BRINP3: variants seen among roughly 807,000 people sequenced by gnomAD.
BRINP3 encodes the protein BMP/retinoic acid-inducible neural-specific protein 3.
A neutral mutation model predicts 71.0 loss-of-function variants in BRINP3; 19 were observed. The observed-to-expected ratio is 0.27, with a 90% CI of 0.19 to 0.39. The LOEUF is 0.39. BRINP3 is among the 10% of genes least tolerant of loss of function. BRINP3 has a pLI of 1.00. For synonymous variants in BRINP3, 380 were observed against 337.7 expected, an observed-to-expected ratio of 1.13 and a Z score of -1.37; for missense variants, 959 against 940.8, an observed-to-expected ratio of 1.02 and a Z score of -0.25.
chr1:190,318,125 G>A (rs143804653), intron 2 of BRINP3, among the ~76,000 whole-genome samples: 95 of 152,042 alleles, frequency 6.2e-4, no homozygotes, highest in African/African-American at 1.9e-3. Flanking sequence ...CAAATTCACT[G>A]TTTTAAGTTT....
At chr1:190,414,519 T>C (rs1306655099) in intron 2 of BRINP3, among the ~76,000 whole-genome samples, 2 of 152,186 alleles carry the variant, frequency 1.3e-5, no homozygotes, top group Non-Finnish European at 2.9e-5. Flanking sequence ...TCTGTCTTTG[T>C]ATTCTGCCAT....
chr1:190,301,499 T>C (rs905033262), intron 2 of BRINP3, among the ~76,000 whole-genome samples: 5 of 151,574 alleles, frequency 3.3e-5, no homozygotes, highest in Non-Finnish European at 7.4e-5. Context: ...TCTTTCTTAA[T>C]TCCTGTTATT....
Position 190,160,901 on chromosome 1 carries a change from T to C in BRINP3, c.962-11A>G. On this transcript the variant is annotated splice_polypyrimidine_tract_variant and intron_variant, in intron 6 of 7. Transcript: ENST00000367462. ...ATAACTTGAATTCATCTGAAAAATG[T>C]CAAAATTCAACACTTTAATTATGAA... is the stretch of plus-strand genomic sequence containing the variant. 6.4e-7 allele frequency: 1 copy of C among 1,562,038 alleles called. No individual in the cohort carries two copies. The highest frequency in any genetic ancestry group is 8.7e-7 in the Non-Finnish European group (1 of 1,145,174).
intron 1 of BRINP3, among the ~76,000 whole-genome samples, chr1:190,473,520 G>A (rs921159232): frequency 6.8e-6 from 1 of 147,946 alleles, no homozygotes; most frequent in Non-Finnish European, 1.5e-5. Flanking sequence ...GTTTTATGAT[G>A]GTGTTTTAGT....
chr1:190,192,230 A>C (rs2102577641), intron 6 of BRINP3, among the ~76,000 whole-genome samples: 1 of 152,292 alleles, frequency 6.6e-6, no homozygotes, highest in Non-Finnish European at 1.5e-5. Flanking sequence ...CATGTTAAAA[A>C]ATATTTTAAA....
chr1:190,443,431 A>G (rs2102569921), intron 2 of BRINP3, among the ~76,000 whole-genome samples: 1 of 152,076 alleles, frequency 6.6e-6, no homozygotes, highest in East Asian at 1.9e-4. Context: ...AAAGAAAAGA[A>G]AAGAAAATAT....
intron 4 of BRINP3, among the ~76,000 whole-genome samples, chr1:190,243,979 A>T (rs1659345686): frequency 6.6e-6 from 1 of 151,670 alleles, no homozygotes; most frequent in Admixed American, 6.6e-5. Context: ...GTCTCTCATC[A>T]CCCCCAGATG....
intron 7 of BRINP3, among the ~76,000 whole-genome samples, chr1:190,142,842 G>T (rs1655571546): frequency 6.6e-6 from 1 of 151,152 alleles, no homozygotes; most frequent in Non-Finnish European, 1.5e-5. Flanking sequence ...AAAAAAAAAA[G>T]TTGGCCTTTC....
At chr1:190,417,115 G>A (rs1673058129) in intron 2 of BRINP3, among the ~76,000 whole-genome samples, 1 of 151,830 alleles carries the variant, frequency 6.6e-6, no homozygotes, top group South Asian at 2.1e-4. Context: ...GATTCAAATG[G>A]AGAACAAAAA....
chr1:190,155,855 A>G (rs962994729), intron 7 of BRINP3, among the ~76,000 whole-genome samples: 2 of 151,980 alleles, frequency 1.3e-5, no homozygotes, highest in African/African-American at 4.8e-5. Context: ...CATGATTCTA[A>G]GTTTCCTGCA....
At position 190,281,912 on chromosome 1, in the gene BRINP3, T is replaced by C. The variant is rs187617632; in HGVS notation, c.237-162A>G. Among the ~76,000 whole-genome samples, 115 of 152,002 alleles carry C rather than the reference T, an allele frequency of 7.6e-4. 2 individuals are homozygous for C. The East Asian group carries it at 0.021, about 28-fold the overall frequency. On this transcript the variant is annotated intron_variant, in intron 2 of 7. Transcript: ENST00000367462. ...AAGCAATATTTATAATTTATTTAAC[T>C]GGAGTGAATACTCTAAAACCAAGTC...
At chr1:190,383,229 A>C (rs1182342615) in intron 2 of BRINP3, among the ~76,000 whole-genome samples, 2 of 151,962 alleles carry the variant, frequency 1.3e-5, no homozygotes, top group Admixed American at 6.6e-5. Flanking sequence ...GAAGAACTTA[A>C]TTTTCTTGTT....
chr1:190,252,077 T>C (rs972916206), intron 4 of BRINP3, among the ~76,000 whole-genome samples: 2 of 152,082 alleles, frequency 1.3e-5, no homozygotes, highest in Non-Finnish European at 2.9e-5. Context: ...TGTATATAGT[T>C]TGTAAAGATA....
intron 2 of BRINP3, among the ~76,000 whole-genome samples, chr1:190,318,220 A>G (rs1268625613): frequency 6.6e-6 from 1 of 152,100 alleles, no homozygotes; most frequent in Non-Finnish European, 1.5e-5. Context: ...ATCTCTTCCT[A>G]AGAATAGTCT....
At chr1:190,143,869 T>C (rs1655660927) in intron 7 of BRINP3, among the ~76,000 whole-genome samples, 1 of 152,174 alleles carries the variant, frequency 6.6e-6, no homozygotes. Context: ...GACAGATTGG[T>C]AATCTGAAAG....
At chr1:190,158,476 T>C (rs1657056742) in intron 7 of BRINP3, among the ~76,000 whole-genome samples, 1 of 152,016 alleles carries the variant, frequency 6.6e-6, no homozygotes, top group Admixed American at 6.6e-5. Flanking sequence ...GGAGAGAAAG[T>C]GAGGGGGCCA....
At chr1:190,152,233 AT>A (rs1656457369) in intron 7 of BRINP3, among the ~76,000 whole-genome samples, 1 of 151,982 alleles carries the variant, frequency 6.6e-6, no homozygotes, top group Admixed American at 6.6e-5. Flanking sequence ...GATATAGAAT[AT>A]TTTTGGTCCT....
At chr1:190,212,904 G>A (rs937208957) in intron 6 of BRINP3, among the ~76,000 whole-genome samples, 2 of 152,018 alleles carry the variant, frequency 1.3e-5, no homozygotes, top group Admixed American at 1.3e-4. Context: ...ATTATTTTAA[G>A]ATTTTATGGT....
At chr1:190,284,812 C>A (rs1663296507) in intron 2 of BRINP3, among the ~76,000 whole-genome samples, 1 of 151,930 alleles carries the variant, frequency 6.6e-6, no homozygotes, top group Non-Finnish European at 1.5e-5. Context: ...CAAACTAAAA[C>A]TAATTAAATA....
Sources: gnomAD v4.1 joint callset for allele counts (sites outside exome capture counted in the v4.1 genomes callset) on GRCh38, gnomAD v4.1.1 for gene constraint, MANE v1.5 for transcripts, NCBI Gene and HGNC (gene_info 2026-07-23, HGNC 2026-07-21) for gene names.